Variants in CDKAL1 observed in about 807,000 individuals in gnomAD.
CDKAL1 encodes the protein CDKAL1 threonylcarbamoyladenosine tRNA methylthiotransferase, also known as threonylcarbamoyladenosine tRNA methylthiotransferase.
CDKAL1 carries 32 observed loss-of-function variants against 68.2 expected under a neutral mutation model. The observed-to-expected ratio is 0.47, with a 90% confidence interval of 0.35 to 0.63. CDKAL1 has a LOEUF of 0.63. CDKAL1 is among the 30% of genes least tolerant of loss of function. The pLI is 0.00. For missense variants in CDKAL1, 606 were observed against 696.7 expected (o/e 0.87, Z 1.47); for synonymous variants, 234 against 244.3 (o/e 0.96, Z 0.39).
intron 7 of CDKAL1, among the ~76,000 whole-genome samples, chr6:20,770,198 T>G (rs1180579225): frequency 6.6e-6 from 1 of 152,184 alleles, no homozygotes; most frequent in Non-Finnish European, 1.5e-5. Context: ...AGTATACTGT[T>G]TGAGTCATAC....
intron 11 of CDKAL1, among the ~76,000 whole-genome samples, chr6:21,018,199 C>A (rs1466573973): frequency 6.6e-6 from 1 of 152,140 alleles, no homozygotes; most frequent in African/African-American, 2.4e-5. Flanking sequence ...TCACCTCTTA[C>A]CAGAGGTGTG....
intron 9 of CDKAL1, among the ~76,000 whole-genome samples, chr6:20,869,887 G>A (rs899266102): frequency 6.6e-6 from 1 of 152,070 alleles, no homozygotes; most frequent in South Asian, 2.1e-4. Flanking sequence ...TTATAACGGG[G>A]TGCAGTGTAT....
chr6:20,719,141 T>C (rs999717037), intron 5 of CDKAL1, among the ~76,000 whole-genome samples: 2 of 152,152 alleles, frequency 1.3e-5, no homozygotes, highest in Admixed American at 1.3e-4. Flanking sequence ...AAGTTTACAG[T>C]TGTGTTCTCA....
At chr6:20,645,343 C>T (rs1561992826) in intron 4 of CDKAL1, among the ~76,000 whole-genome samples, 1 of 152,024 alleles carries the variant, frequency 6.6e-6, no homozygotes, top group Admixed American at 6.6e-5. Context: ...TTTTTGAAAA[C>T]GTTTTCACAC....
In CDKAL1 at chr6:20,687,637, C is replaced by T. The variant is rs183167102; in HGVS notation, c.371+38260C>T. Among the ~76,000 whole-genome samples, 61 of 152,158 alleles carry T rather than the reference C, an allele frequency of 4.0e-4. No homozygotes were observed. In the East Asian group the frequency reaches 9.5e-3, roughly 24 times the overall value. Reference sequence around the variant, plus strand: ...CACTGCAGCCTCGACCTCCTAGGCACGGGTGATCCTCCTGAGTAACTGGGA... The same window carrying T: ...CACTGCAGCCTCGACCTCCTAGGCATGGGTGATCCTCCTGAGTAACTGGGA... On this transcript the variant is annotated intron_variant, in intron 5 of 15. Transcript: ENST00000274695.
chr6:20,633,127 G>C (rs1245854919), intron 4 of CDKAL1, among the ~76,000 whole-genome samples: 1 of 152,108 alleles, frequency 6.6e-6, no homozygotes, highest in Non-Finnish European at 1.5e-5. Flanking sequence ...AGTTTTCATA[G>C]AGTCAATTTA....
chr6:20,623,383 A>T (rs143085367), intron 4 of CDKAL1, among the ~76,000 whole-genome samples: 4 of 152,094 alleles, frequency 2.6e-5, no homozygotes, highest in African/African-American at 9.7e-5. Context: ...ATAGGATATG[A>T]CATTATTATA....
At chr6:20,929,077 C>G (rs771195720) in intron 9 of CDKAL1, among the ~76,000 whole-genome samples, 1 of 152,170 alleles carries the variant, frequency 6.6e-6, no homozygotes, top group Non-Finnish European at 1.5e-5. Flanking sequence ...TAACCCTATA[C>G]AGTGGAAGTG....
At chr6:20,623,194 C>T (rs1767275364) in intron 4 of CDKAL1, among the ~76,000 whole-genome samples, 1 of 152,028 alleles carries the variant, frequency 6.6e-6, no homozygotes, top group Admixed American at 6.6e-5. Context: ...AAAGCCCATT[C>T]ATTTTTTTAG....
intron 8 of CDKAL1, among the ~76,000 whole-genome samples, chr6:20,831,771 A>G (rs1379656908): frequency 1.3e-5 from 2 of 152,146 alleles, no homozygotes; most frequent in African/African-American, 4.8e-5. Flanking sequence ...ATTTCAAACA[A>G]TTTTTTTGAT....
intron 13 of CDKAL1, among the ~76,000 whole-genome samples, chr6:21,114,273 A>G (rs1774286734): frequency 6.6e-6 from 1 of 150,804 alleles, no homozygotes; most frequent in Non-Finnish European, 1.5e-5. Flanking sequence ...AAAAAGCAGC[A>G]AAAGAGTGGT....
At chr6:20,566,355 C>T (rs116620228) in intron 4 of CDKAL1, among the ~76,000 whole-genome samples, 22 of 152,068 alleles carry the variant, frequency 1.4e-4, no homozygotes, top group African/African-American at 4.8e-4. Context: ...AATTTCGATC[C>T]TCTGTGTTGG....
chr6:20,597,271 G>A lies in CDKAL1; in HGVS notation c.286+48566G>A, dbSNP rs189953210. Among the ~76,000 whole-genome samples the A allele has an allele frequency of 1.6e-3, 251 of 152,132 alleles. 2 individuals carry two copies. In the South Asian group the frequency reaches 0.02, roughly 12 times the overall value. On this transcript the variant is annotated intron_variant, in intron 4 of 15. Coordinates refer to ENST00000274695, the MANE Select transcript of CDKAL1 (RefSeq NM_017774.3). The stretch of plus-strand genomic sequence containing the variant: ...AGCCTCCCGAGTAGCTGGGACTACA[G>A]GCGCCTGCCACCACGCCTTGCTAAT...
At chr6:21,103,979 G>C (rs1487565152) in intron 12 of CDKAL1, among the ~76,000 whole-genome samples, 2 of 152,254 alleles carry the variant, frequency 1.3e-5, no homozygotes, top group East Asian at 1.9e-4. Context: ...AGGTTTTGTA[G>C]AGTAGTTCTC....
intron 8 of CDKAL1, among the ~76,000 whole-genome samples, chr6:20,790,652 C>G (rs1262855485): frequency 6.6e-6 from 1 of 152,144 alleles, no homozygotes; most frequent in East Asian, 1.9e-4. Context: ...TCGGTGGTTC[C>G]CAAGCTCTTG....
chr6:21,059,292 C>A (rs771832817), intron 11 of CDKAL1, among the ~76,000 whole-genome samples: 1 of 152,242 alleles, frequency 6.6e-6, no homozygotes, highest in Non-Finnish European at 1.5e-5. Context: ...ACTGATGCTG[C>A]AGTTGCAGTG....
chr6:20,832,637 C>T (rs2150466495), intron 8 of CDKAL1, among the ~76,000 whole-genome samples: 1 of 152,198 alleles, frequency 6.6e-6, no homozygotes, highest in Non-Finnish European at 1.5e-5. Flanking sequence ...GCCTGGGTGA[C>T]AGACTAAGAC....
chr6:21,163,386 A>G (rs911077859), intron 13 of CDKAL1, among the ~76,000 whole-genome samples: 2 of 151,982 alleles, frequency 1.3e-5, no homozygotes, highest in Non-Finnish European at 2.9e-5. Flanking sequence ...GTAACCCAAA[A>G]CAAACACCCG....
intron 4 of CDKAL1, among the ~76,000 whole-genome samples, chr6:20,629,210 G>T (rs879484730): frequency 1.3e-5 from 2 of 152,042 alleles, no homozygotes; most frequent in Non-Finnish European, 2.9e-5. Context: ...TCTTGATTTG[G>T]CTTTCTCTGA....
Sources: allele counts gnomAD v4.1 joint callset (sites outside exome capture counted in the v4.1 genomes callset), GRCh38; gene constraint gnomAD v4.1.1; transcripts MANE v1.5; gene names NCBI Gene and HGNC (gene_info 2026-07-23, HGNC 2026-07-21).